NEBL: variants seen among roughly 807,000 people sequenced by gnomAD.
The protein encoded by NEBL is LIM and SH3 protein 2.
A neutral mutation model predicts 140.2 loss-of-function variants in NEBL; 122 were observed. That is an observed-to-expected ratio of 0.87 (90% CI 0.75 to 1.01). NEBL has a LOEUF of 1.01. NEBL is among the 50% of genes least tolerant of loss of function. The pLI is 0.00. For missense variants in NEBL, 1,365 were observed against 1,231.3 expected (o/e 1.11, Z -1.62); for synonymous variants, 436 against 398.9 (o/e 1.09, Z -1.11).
chr10:21,187,154 T>C (rs1841487833), intron 3 of NEBL, among the ~76,000 whole-genome samples: 1 of 152,120 alleles, frequency 6.6e-6, no homozygotes, highest in Admixed American at 6.5e-5. Flanking sequence ...CATGCACACG[T>C]CTGAAAGGAT....
At chr10:21,217,854 A>G (rs1352576669) in intron 3 of NEBL, 1 of 152,238 alleles carries the variant, frequency 6.6e-6, no homozygotes, top group African/African-American at 2.4e-5. Context: ...TCCATCTGGC[A>G]GCAACCAACA....
At chr10:20,850,675 A>T (rs766067031) in intron 10 of NEBL, among the ~76,000 whole-genome samples, 173 bp from the exon 11 acceptor site, 1 of 152,226 alleles carries the variant, frequency 6.6e-6, no homozygotes, top group Non-Finnish European at 1.5e-5. Flanking sequence ...AGGAAAGTAA[A>T]CAGGTAATAT....
At chr10:20,796,624 T>C (rs1386441152) in intron 26 of NEBL, among the ~76,000 whole-genome samples, 1 of 152,178 alleles carries the variant, frequency 6.6e-6, no homozygotes, top group Non-Finnish European at 1.5e-5. Context: ...TACAACTAGA[T>C]AGCTTTAGAT....
chr10:21,196,201 A>G (rs1447972690), intron 3 of NEBL, among the ~76,000 whole-genome samples: 5 of 151,822 alleles, frequency 3.3e-5, no homozygotes. Context: ...ACAGGGTTTC[A>G]CCATGTTGGT....
At chr10:20,806,548 A>G (rs72785566) in intron 26 of NEBL, among the ~76,000 whole-genome samples, 8,387 of 152,332 alleles carry the variant, frequency 0.055, 335 homozygotes, top group Admixed American at 0.097. Context: ...TCAAGGCCAG[A>G]TGCAGCTGCG....
chr10:21,211,791 A>G (rs996704780), intron 3 of NEBL, among the ~76,000 whole-genome samples: 5 of 152,186 alleles, frequency 3.3e-5, no homozygotes, highest in Admixed American at 3.3e-4. Flanking sequence ...AAGGATCCTC[A>G]AACCAGCAGT....
chr10:20,895,901 C>T (rs140022920), intron 2 of NEBL, among the ~76,000 whole-genome samples: 165 of 152,248 alleles, frequency 1.1e-3, no homozygotes, highest in African/African-American at 3.8e-3. Context: ...CATTTATATG[C>T]ATTACCATTA....
intron 4 of NEBL, among the ~76,000 whole-genome samples, chr10:20,941,454 A>G (rs1397572756): frequency 6.6e-6 from 1 of 152,236 alleles, no homozygotes; most frequent in Non-Finnish European, 1.5e-5. Flanking sequence ...AGAGCTATCT[A>G]TGACAAACCC....
At chr10:21,225,207 A>T (rs1237197186) in intron 3 of NEBL, among the ~76,000 whole-genome samples, 1 of 151,836 alleles carries the variant, frequency 6.6e-6, no homozygotes, top group Non-Finnish European at 1.5e-5. Context: ...CAAGGCAGAG[A>T]CTCTTTTTCT....
At chr10:21,036,314 C>A (rs567528075) in intron 2 of NEBL, among the ~76,000 whole-genome samples, 14 of 152,034 alleles carry the variant, frequency 9.2e-5, no homozygotes, top group Admixed American at 2.0e-4. Flanking sequence ...ATTAGCCAGG[C>A]GTGCTGGTGT....
At chr10:21,121,878 C>G (rs1838591520) in intron 2 of NEBL, among the ~76,000 whole-genome samples, 1 of 152,166 alleles carries the variant, frequency 6.6e-6, no homozygotes, top group South Asian at 2.1e-4. Flanking sequence ...CCTTTCAATA[C>G]TAAGCTTTTC....
At chr10:20,923,126 T>A (rs1833674406) in intron 4 of NEBL, among the ~76,000 whole-genome samples, 1 of 152,146 alleles carries the variant, frequency 6.6e-6, no homozygotes, top group Admixed American at 6.5e-5. Context: ...TGGAGTGCAG[T>A]GGTGCCATCA....
At chr10:21,109,684 G>A (rs1344990650) in intron 2 of NEBL, among the ~76,000 whole-genome samples, 1 of 152,012 alleles carries the variant, frequency 6.6e-6, no homozygotes, top group Non-Finnish European at 1.5e-5. Context: ...AGAACTTGTT[G>A]TTGGTCTATT....
At chr10:20,860,330 C>T (rs1056904330) in intron 7 of NEBL, among the ~76,000 whole-genome samples, 1 of 151,862 alleles carries the variant, frequency 6.6e-6, no homozygotes, top group African/African-American at 2.4e-5. Flanking sequence ...TCTGAAATGT[C>T]CTGGGTCAAC....
intron 3 of NEBL, among the ~76,000 whole-genome samples, chr10:21,224,918 T>G (rs1842123645): frequency 6.6e-6 from 1 of 152,240 alleles, no homozygotes; most frequent in Non-Finnish European, 1.5e-5. Context: ...TCCTCAGGTC[T>G]TTCCAAATAT....
intron 11 of NEBL, among the ~76,000 whole-genome samples, chr10:20,849,926 C>T (rs879642283): frequency 2.6e-5 from 4 of 151,786 alleles, no homozygotes; most frequent in Admixed American, 2.6e-4. Flanking sequence ...ACTAAATGAG[C>T]TGACATATAT....
At chr10:20,846,467 C>T (rs1841957345) in intron 11 of NEBL, among the ~76,000 whole-genome samples, 1 of 152,078 alleles carries the variant, frequency 6.6e-6, no homozygotes, top group Non-Finnish European at 1.5e-5. Flanking sequence ...TTCCATACAG[C>T]AATCTAACAA....
intron 26 of NEBL, among the ~76,000 whole-genome samples, chr10:20,793,656 C>CTTCTCTAAAATATTATCTTGGG (rs1836225387): frequency 6.6e-6 from 1 of 151,764 alleles, no homozygotes; most frequent in African/African-American, 2.4e-5. Context: ...CAGGCTCAAG[C>CTTCTCTAAAATATTATCTTGGG]GATCCTCCCA....
intron 26 of NEBL, among the ~76,000 whole-genome samples, chr10:20,800,686 T>A (rs538303391): frequency 2.0e-5 from 3 of 151,382 alleles, no homozygotes; most frequent in Admixed American, 6.6e-5. Flanking sequence ...AAACGACAAA[T>A]GCTCACAATA....
Sources: gnomAD v4.1 joint callset for allele counts (sites outside exome capture counted in the v4.1 genomes callset) on GRCh38, gnomAD v4.1.1 for gene constraint, MANE v1.5 for transcripts, NCBI Gene and HGNC (gene_info 2026-07-23, HGNC 2026-07-21) for gene names.